AK9: variants seen among roughly 807,000 people sequenced by gnomAD.
AK9 encodes the protein adenylate kinase domain containing 1.
A neutral mutation model predicts 239.6 loss-of-function variants in AK9; 191 were observed. That is an observed-to-expected ratio of 0.80 (90% CI 0.71 to 0.90). AK9 has a LOEUF of 0.90. AK9 is among the 40% of genes least tolerant of loss of function. The pLI, the probability that AK9 is intolerant of heterozygous loss-of-function variation, is 0.00. For synonymous variants in AK9, 689 were observed against 721.0 expected (o/e 0.96, Z 0.71); for missense variants, 1,995 against 2,214.7 (o/e 0.90, Z 1.99).
intron 20 of AK9, among the ~76,000 whole-genome samples, chr6:109,578,577 T>G (rs559329193): frequency 3.9e-5 from 6 of 152,088 alleles, no homozygotes; most frequent in Non-Finnish European, 7.4e-5. Flanking sequence ...GGATCTTGGG[T>G]TCGGGTTTGG....
intron 39 of AK9, chr6:109,494,558 C>G (rs1160506283): frequency 6.5e-6 from 1 of 152,938 alleles, no homozygotes; most frequent in African/African-American, 2.4e-5. Context: ...GATTCCAGAG[C>G]CCAGAAGAAG....
chr6:109,607,230 C>T (rs1042456773), intron 17 of AK9, among the ~76,000 whole-genome samples: 2 of 152,070 alleles, frequency 1.3e-5, no homozygotes, highest in African/African-American at 4.8e-5. Context: ...TAATGAGAGA[C>T]GTTGAAGACC....
chr6:109,504,267 G>A (rs562386352), intron 35 of AK9, among the ~76,000 whole-genome samples: 1 of 152,210 alleles, frequency 6.6e-6, no homozygotes, highest in African/African-American at 2.4e-5. Flanking sequence ...GAGAGGCTGA[G>A]GCAGGAGGAT....
intron 6 of AK9, among the ~76,000 whole-genome samples, chr6:109,660,399 A>G (rs1800269445): frequency 6.6e-6 from 1 of 152,186 alleles, no homozygotes; most frequent in Non-Finnish European, 1.5e-5. Context: ...TTCTTCAACA[A>G]GCATCCTCAG....
intron 12 of AK9, among the ~76,000 whole-genome samples, chr6:109,624,722 CTG>C (rs1449185392): frequency 6.6e-6 from 1 of 152,070 alleles, no homozygotes; most frequent in Admixed American, 6.5e-5. Context: ...TGGGAATTTA[CTG>C]TGTCATTTCT....
intron 38 of AK9, among the ~76,000 whole-genome samples, chr6:109,495,748 A>G (rs1776968322): frequency 6.6e-6 from 1 of 152,074 alleles, no homozygotes; most frequent in Non-Finnish European, 1.5e-5. Flanking sequence ...TGCTGTACTC[A>G]GAGAAGCCAT....
At chr6:109,582,511 A>G (rs1788980718) in intron 19 of AK9, among the ~76,000 whole-genome samples, 1 of 152,232 alleles carries the variant, frequency 6.6e-6, no homozygotes, top group Non-Finnish European at 1.5e-5. Flanking sequence ...AAATAGCAAG[A>G]TAATTAGAAT....
rs200228401 is a variant in AK9, at chr6:109,545,879, A to G, written c.3213T>C (p.Asn1071=). 2 of 1,588,374 alleles carry G rather than the reference A, an allele frequency of 1.3e-6. No homozygotes were observed. The highest frequency in any genetic ancestry group is 2.7e-5 in the African/African-American group (2 of 72,848). The part of the protein sequence containing the change: ...IQANVKVEEE[N]TKKQLPEVQL... ...AAGAGATTACTACCTGCTTTTTTGT[A>G]TTTTCTTCCTCAACTTTGACATTGG... is the stretch of plus-strand genomic sequence containing the variant. Residue 1071 remains asparagine, a synonymous_variant, in exon 26 of 41, where the codon AAT becomes AAC. Coordinates refer to ENST00000424296, the MANE Select transcript of AK9 (RefSeq NM_001145128.3).
At chr6:109,565,913 A>C (rs1315027788) in intron 21 of AK9, among the ~76,000 whole-genome samples, 1 of 152,210 alleles carries the variant, frequency 6.6e-6, no homozygotes, top group Non-Finnish European at 1.5e-5. Flanking sequence ...TAGAGCAGGA[A>C]GTAGAAGGGG....
chr6:109,658,560 T>C (rs1040403380), intron 7 of AK9, among the ~76,000 whole-genome samples: 27 of 152,206 alleles, frequency 1.8e-4, no homozygotes, highest in African/African-American at 6.3e-4. Context: ...TGGAACGTGC[T>C]GTAAATGTAA....
intron 26 of AK9, among the ~76,000 whole-genome samples, chr6:109,544,757 T>C (rs1199541762): frequency 1.3e-5 from 2 of 152,210 alleles, no homozygotes; most frequent in East Asian, 3.8e-4. Flanking sequence ...AACAGATTAA[T>C]ACAGTACAAA....
At chr6:109,533,756 A>G (rs928465346) in intron 27 of AK9, among the ~76,000 whole-genome samples, 1 of 152,114 alleles carries the variant, frequency 6.6e-6, no homozygotes, top group East Asian at 1.9e-4. Context: ...TTCAAAATAT[A>G]TCAAGTTGGA....
At chr6:109,573,672 C>A in intron 20 of AK9, 78 bp from the exon 21 acceptor site, 1 of 1,352,476 alleles carries the variant, frequency 7.4e-7, no homozygotes, top group Non-Finnish European at 1.0e-6. Context: ...AGTGCTGAAG[C>A]CAAACAAAGA....
At chr6:109,671,085 A>G (rs866486333) in intron 5 of AK9, among the ~76,000 whole-genome samples, 5 of 152,320 alleles carry the variant, frequency 3.3e-5, no homozygotes, top group Middle Eastern at 3.4e-3. Flanking sequence ...TTTTGTCTAT[A>G]GATAGAAACC....
intron 26 of AK9, among the ~76,000 whole-genome samples, chr6:109,542,527 C>T (rs1783031977): frequency 6.6e-6 from 1 of 152,108 alleles, no homozygotes; most frequent in Admixed American, 6.5e-5. Context: ...ATCATAAATA[C>T]CCTGACTTGA....
chr6:109,602,381 T>A (rs9487169), intron 17 of AK9, among the ~76,000 whole-genome samples: 88,484 of 151,934 alleles, frequency 0.58, 27,443 homozygotes, highest in South Asian at 0.84. Context: ...TTCTTTTCTT[T>A]AAGAATGTTG....
At chr6:109,610,125 T>C (rs1161302747) in intron 17 of AK9, among the ~76,000 whole-genome samples, 2 of 152,222 alleles carry the variant, frequency 1.3e-5, no homozygotes, top group Non-Finnish European at 2.9e-5. Context: ...GAAGAATTAA[T>C]TTCAAAGCAT....
At chr6:109,630,873 C>T (rs1270096531) in intron 12 of AK9, among the ~76,000 whole-genome samples, 1 of 151,746 alleles carries the variant, frequency 6.6e-6, no homozygotes, top group Non-Finnish European at 1.5e-5. Flanking sequence ...AAGAAATAGA[C>T]CACTGAGCCC....
chr6:109,660,326 A>C (rs574707911), intron 6 of AK9, among the ~76,000 whole-genome samples: 1 of 152,316 alleles, frequency 6.6e-6, no homozygotes, highest in African/African-American at 2.4e-5. Context: ...ACTCTATCTG[A>C]GGAGCTTGTT....
Sources: allele counts gnomAD v4.1 joint callset (sites outside exome capture counted in the v4.1 genomes callset), GRCh38; gene constraint gnomAD v4.1.1; transcripts MANE v1.5; gene names NCBI Gene and HGNC (gene_info 2026-07-23, HGNC 2026-07-21).